The following ANO1 variants were observed in gnomAD, a reference collection of about 807,000 sequenced individuals.
ANO1 encodes anoctamin 1.
ANO1 carries 59 observed loss-of-function variants against 124.0 expected under a neutral mutation model. The ratio of observed to expected loss-of-function variants is 0.48; its 90% CI spans 0.39 to 0.59. The LOEUF is 0.59. Among genes scored for constraint, ANO1 ranks in the 20% least tolerant of loss-of-function variants. ANO1 has a pLI of 0.00. For missense variants in ANO1, 1,059 were observed against 1,328.0 expected (o/e 0.80, Z 3.15); for synonymous variants, 529 against 532.0 (o/e 0.99, Z 0.08).
At chr11:70,005,100 G>T (rs906601688) in intron 1 of ANO1, among the ~76,000 whole-genome samples, 2 of 105,314 alleles carry the variant, frequency 1.9e-5, no homozygotes, top group African/African-American at 7.2e-5. Flanking sequence ...GTGACAGAGC[G>T]AGATTCCAAC....
At chr11:69,986,345 G>T (rs1191763538) in intron 1 of ANO1, among the ~76,000 whole-genome samples, 2 of 152,074 alleles carry the variant, frequency 1.3e-5, no homozygotes, top group East Asian at 2.0e-4. Context: ...CCCGGTGAAG[G>T]CGAGAGGGGA....
chr11:70,088,228 C>T (rs1038482051), intron 2 of ANO1, 144 bp downstream of exon 2: 77 of 636,446 alleles, frequency 1.2e-4, no homozygotes, highest in South Asian at 1.9e-4. Flanking sequence ...AAGGGGCAGA[C>T]GGGCCAGACG....
intron 1 of ANO1, among the ~76,000 whole-genome samples, chr11:70,022,613 A>AT (rs1454864547): frequency 1.3e-5 from 2 of 151,782 alleles, no homozygotes; most frequent in Non-Finnish European, 2.9e-5. Context: ...CTCAAAAAAA[A>AT]AAAAGAATGC....
chr11:70,035,447 T>C (rs1420666631), intron 1 of ANO1, among the ~76,000 whole-genome samples: 2 of 152,264 alleles, frequency 1.3e-5, no homozygotes, highest in African/African-American at 4.8e-5. Context: ...CTTCTTTCTA[T>C]ACATATTACC....
At chr11:70,013,500 T>A (rs1856638709) in intron 1 of ANO1, among the ~76,000 whole-genome samples, 1 of 152,020 alleles carries the variant, frequency 6.6e-6, no homozygotes, top group Non-Finnish European at 1.5e-5. Context: ...CAGCTGGGCG[T>A]GGTGACTTAC....
chr11:70,158,770 A>G (rs1479418056), intron 16 of ANO1, among the ~76,000 whole-genome samples: 1 of 152,004 alleles, frequency 6.6e-6, no homozygotes, highest in Non-Finnish European at 1.5e-5. Context: ...TGGCCGACAT[A>G]AAGAAGTCCA....
In ANO1 at chr11:70,175,882, C is replaced by T. The variant is rs548322355; in HGVS notation, c.2351-4122C>T. Among the ~76,000 whole-genome samples, 24 of 152,264 alleles carry T rather than the reference C, an allele frequency of 1.6e-4. No individual in the cohort carries two copies. In the South Asian group the frequency reaches 4.8e-3, roughly 30 times the overall value. On this transcript the variant is annotated intron_variant, in intron 22 of 25. Transcript: ENST00000355303. ...CCACCCAAAGAATATTCTAAAAGCA[C>T]AGCATCCCCTTTTACTTAGAGATGT...
chr11:70,024,569 G>A (rs561038366), intron 1 of ANO1, among the ~76,000 whole-genome samples: 76 of 152,302 alleles, frequency 5.0e-4, no homozygotes, highest in African/African-American at 1.7e-3. Flanking sequence ...CCTGGGCACC[G>A]TCTGCTTTCA....
chr11:70,174,084 C>T (rs1156917245), intron 22 of ANO1, among the ~76,000 whole-genome samples: 2 of 150,600 alleles, frequency 1.3e-5, no homozygotes, highest in Admixed American at 6.6e-5. Context: ...TACAGGTGCC[C>T]GCCACCACGC....
upstream of ANO1, among the ~76,000 whole-genome samples, chr11:70,076,291 G>A (rs1340851812): frequency 6.6e-6 from 1 of 152,210 alleles, no homozygotes; most frequent in Admixed American, 6.5e-5. Flanking sequence ...TGCTGTTGGG[G>A]AGAAGGTGGG....
chr11:70,163,221 G>A, intron 18 of ANO1, 62 bp from the exon 19 acceptor site: 1 of 1,565,046 alleles, frequency 6.4e-7, no homozygotes, highest in Non-Finnish European at 8.7e-7. Flanking sequence ...CCACTTGGGG[G>A]TCTCTCCCCG....
chr11:70,174,188 T>G (rs2048589391), intron 22 of ANO1, among the ~76,000 whole-genome samples: 1 of 151,576 alleles, frequency 6.6e-6, no homozygotes, highest in Non-Finnish European at 1.5e-5. Context: ...TCCACCCATC[T>G]CGGCCTCCCA....
chr11:70,166,411 C>G (rs1289099470), intron 20 of ANO1, among the ~76,000 whole-genome samples: 1 of 152,216 alleles, frequency 6.6e-6, no homozygotes. Context: ...ACCCCACTCC[C>G]CATGCTGGCT....
chr11:70,003,258 A>G (rs7101663), intron 1 of ANO1, among the ~76,000 whole-genome samples: 74,083 of 152,142 alleles, frequency 0.49, 19,317 homozygotes, highest in East Asian at 0.89. Context: ...AGCTTTACTC[A>G]TAATCAGAGA....
chr11:70,131,322 TGTGTGTGTGTGC>T (rs1206015753), intron 10 of ANO1, among the ~76,000 whole-genome samples: 2 of 100,666 alleles, frequency 2.0e-5, no homozygotes, highest in South Asian at 2.9e-4. Context: ...TGTGTGTGTG[TGTGTGTGTGTGC>T]GCGTCTGTGT....
At chr11:70,106,523 G>A (rs929284682) in intron 5 of ANO1, among the ~76,000 whole-genome samples, 1 of 152,160 alleles carries the variant, frequency 6.6e-6, no homozygotes, top group African/African-American at 2.4e-5. Context: ...AGACTGGCAG[G>A]CAGCCAGCAG....
chr11:70,067,215 C>G (rs1395766960), intron 1 of ANO1, among the ~76,000 whole-genome samples: 16 of 152,248 alleles, frequency 1.1e-4, no homozygotes, highest in African/African-American at 3.9e-4. Flanking sequence ...TGGGGCTTAA[C>G]CACCTCTGAG....
intron 1 of ANO1, among the ~76,000 whole-genome samples, chr11:70,048,755 G>A (rs1380516789): frequency 7.1e-6 from 1 of 141,470 alleles, no homozygotes; most frequent in African/African-American, 2.6e-5. Flanking sequence ...TACCTTTTCC[G>A]GCCACTAGGT....
intron 1 of ANO1, among the ~76,000 whole-genome samples, chr11:70,067,070 T>C (rs1415388149): frequency 1.3e-5 from 2 of 152,220 alleles, no homozygotes; most frequent in African/African-American, 4.8e-5. Flanking sequence ...AAATGGAGCC[T>C]GGTTGTCTAA....
Sources: allele counts gnomAD v4.1 joint callset (sites outside exome capture counted in the v4.1 genomes callset), GRCh38; gene constraint gnomAD v4.1.1; transcripts MANE v1.5; gene names NCBI Gene and HGNC (gene_info 2026-07-23, HGNC 2026-07-21).